The following CCDC66 variants were observed in gnomAD, a reference collection of about 807,000 sequenced individuals.
CCDC66 encodes the protein coiled-coil domain containing 66.
In CCDC66, 133 loss-of-function variants were observed where a neutral mutation model predicts 128.3. The ratio of observed to expected loss-of-function variants is 1.04; its 90% confidence interval spans 0.90 to 1.20. The LOEUF (loss-of-function observed/expected upper bound fraction) is 1.20. CCDC66 is among the 50% of genes most tolerant of loss of function. CCDC66 has a pLI of 0.00. For missense variants in CCDC66, 1,126 were observed against 1,075.5 expected, an observed-to-expected ratio of 1.05 and a Z score of -0.66; for synonymous variants, 387 against 357.0, an observed-to-expected ratio of 1.08 and a Z score of -0.95.
At chr3:56,608,883 A>G (rs1212017602) in intron 10 of CCDC66, among the ~76,000 whole-genome samples, 1 of 152,074 alleles carries the variant, frequency 6.6e-6, no homozygotes, top group Non-Finnish European at 1.5e-5. Flanking sequence ...TTCAGGAGCA[A>G]TTTATTTAAT....
At chr3:56,582,739 T>G (rs1306675778) in intron 7 of CCDC66, among the ~76,000 whole-genome samples, 2 of 151,446 alleles carry the variant, frequency 1.3e-5, no homozygotes, top group Non-Finnish European at 2.9e-5. Context: ...TTTGCTTTCT[T>G]GATGAGTAGA....
At chr3:56,618,451 T>C (rs79095236) in intron 15 of CCDC66, 66,581 of 432,676 alleles carry the variant, frequency 0.15, 6,403 homozygotes, top group South Asian at 0.38. Context: ...ATCTCTAGAC[T>C]TAACTAAGTG....
At chr3:56,585,487 CAG>C (rs1224635660) in intron 7 of CCDC66, among the ~76,000 whole-genome samples, 1 of 151,386 alleles carries the variant, frequency 6.6e-6, no homozygotes, top group Admixed American at 6.7e-5. Context: ...AAGAAGAAAA[CAG>C]AAGTAATAAT....
At chr3:56,599,374 A>G (rs4681951) in intron 10 of CCDC66, among the ~76,000 whole-genome samples, 47,803 of 151,372 alleles carry the variant, frequency 0.32, 8,037 homozygotes, top group East Asian at 0.48. Context: ...TGTTTCTTTG[A>G]TCCTTTGTAT....
At chr3:56,558,976 C>T in intron 2 of CCDC66, 66 bp downstream of exon 2, 1 of 1,164,514 alleles carries the variant, frequency 8.6e-7, no homozygotes, top group Admixed American at 2.5e-5. Flanking sequence ...TATATTAGTT[C>T]AACAGACTTT....
intron 10 of CCDC66, among the ~76,000 whole-genome samples, chr3:56,599,613 A>G (rs1181860752): frequency 2.0e-5 from 3 of 151,792 alleles, no homozygotes; most frequent in Non-Finnish European, 4.4e-5. Flanking sequence ...TTTTTCAAGA[A>G]TTTTTTTAAA....
intron 9 of CCDC66, 33 bp from the exon 10 acceptor site, chr3:56,593,911 G>A (rs758030879): frequency 2.5e-6 from 4 of 1,605,704 alleles, no homozygotes; most frequent in Admixed American, 3.4e-5. Flanking sequence ...ACCTTTTTGA[G>A]GTTTTGAATA....
chr3:56,593,361 A>G (rs748236167), intron 8 of CCDC66, 130 bp from the exon 9 acceptor site: 19 of 1,001,696 alleles, frequency 1.9e-5, no homozygotes, highest in Non-Finnish European at 2.5e-5. Context: ...TAAACAGTAC[A>G]GTCTTGTTAA....
intron 7 of CCDC66, among the ~76,000 whole-genome samples, chr3:56,580,414 AG>A (rs761265588): frequency 1.3e-5 from 2 of 151,766 alleles, no homozygotes; most frequent in Non-Finnish European, 2.9e-5. Flanking sequence ...TGAACATGTA[AG>A]GTTAATATTG....
chr3:56,582,898 A>G (rs899909812), intron 7 of CCDC66, among the ~76,000 whole-genome samples: 5 of 117,662 alleles, frequency 4.2e-5, no homozygotes, highest in Non-Finnish European at 8.7e-5. Flanking sequence ...ATTATTAGAT[A>G]GGGTCTCATA....
intron 17 of CCDC66, 132 bp from the exon 18 acceptor site, chr3:56,621,400 G>GA (rs141653381): frequency 0.02 from 10,992 of 560,784 alleles, 911 homozygotes; most frequent in African/African-American, 0.18. Context: ...AAGCATTTCT[G>GA]AAAAAATTTT....
At chr3:56,587,830 C>T (rs1435991193) in intron 7 of CCDC66, among the ~76,000 whole-genome samples, 2 of 152,156 alleles carry the variant, frequency 1.3e-5, no homozygotes, top group African/African-American at 4.8e-5. Context: ...GATCGCACCA[C>T]TGCACTCCAG....
At position 56,617,572 on chromosome 3, in the gene CCDC66, G is replaced by A. The variant is rs749970753; in HGVS notation, c.2304G>A (p.Thr768=). The change falls in exon 14 of 18, where the codon ACG becomes ACA. Residue 768 remains threonine (T), a synonymous_variant. Transcript: ENST00000394672. ...PEIFHSSHQE[T]ESKLRWHLVK... is the part of the protein sequence containing the mutation. ...TTTTTCATTCATCTCATCAAGAAAC[G>A]GAGTCAAAGTTGAGGTGGCATCTAG... The A allele has an allele frequency of 1.2e-5, 19 of 1,607,464 alleles. No individual in the cohort carries two copies. Among genetic ancestry groups the A allele is most frequent in the Admixed American group, 3.4e-5 (2 of 58,248 alleles).
chr3:56,608,256 G>A (rs1051629451), intron 10 of CCDC66, among the ~76,000 whole-genome samples: 3 of 152,052 alleles, frequency 2.0e-5, no homozygotes, highest in African/African-American at 7.2e-5. Flanking sequence ...AATCCATCTG[G>A]TCCTGGACTT....
At chr3:56,605,160 G>C (rs1306576687) in intron 10 of CCDC66, among the ~76,000 whole-genome samples, 1 of 152,014 alleles carries the variant, frequency 6.6e-6, no homozygotes, top group African/African-American at 2.4e-5. Flanking sequence ...ATTCTAGTTA[G>C]CAATTTGTCT....
chr3:56,611,723 C>G (rs1487119050), intron 10 of CCDC66, among the ~76,000 whole-genome samples: 1 of 152,152 alleles, frequency 6.6e-6, no homozygotes, highest in African/African-American at 2.4e-5. Flanking sequence ...GGGATGGGAT[C>G]CTTGGGGATC....
At position 56,621,699 on chromosome 3, in the gene CCDC66, A is replaced by AAAT. The variant is rs2076658757; in HGVS notation, c.*83_*85dup. ...GCTCACTGGCTCAACTGTATTTTTC[A>AAAT]AATAGCCTAGATTTACTTATTTTTT... is the stretch of plus-strand genomic sequence containing the variant. On this transcript the variant is annotated 3_prime_UTR_variant, in exon 18 of 18. Coordinates refer to ENST00000394672, the MANE Select transcript of CCDC66 (RefSeq NM_001141947.3). 2.1e-6 allele frequency: 2 copies of AAAT among 943,476 alleles called. No individual in the cohort carries two copies. The highest frequency in any genetic ancestry group is 3.2e-5 in the South Asian group (2 of 61,590). The allele number at this position is 943,476 out of a possible 1,614,324, so 58.4% of individuals were successfully genotyped here.
chr3:56,559,654 G>C (rs371519953), intron 3 of CCDC66, 60 bp downstream of exon 3: 1 of 1,208,972 alleles, frequency 8.3e-7, no homozygotes, highest in Non-Finnish European at 1.2e-6. Context: ...TTTATTTATA[G>C]TGGTTAGAAA....
intron 17 of CCDC66, chr3:56,621,212 A>ACTC (rs1244253193): frequency 5.3e-6 from 1 of 189,834 alleles, no homozygotes; most frequent in African/African-American, 2.4e-5. Flanking sequence ...GTTAAGGGAG[A>ACTC]CTCCTTCAGT....
Sources: gnomAD v4.1 joint callset for allele counts (sites outside exome capture counted in the v4.1 genomes callset) on GRCh38, gnomAD v4.1.1 for gene constraint, MANE v1.5 for transcripts, NCBI Gene and HGNC (gene_info 2026-07-23, HGNC 2026-07-21) for gene names.